The following CA5A variants were observed in gnomAD, a reference collection of about 807,000 sequenced individuals.
CA5A encodes carbonic anhydrase 5A, also known as carbonic anhydrase 5A, mitochondrial.
CA5A carries 28 observed loss-of-function variants against 37.1 expected under a neutral mutation model. That is an observed-to-expected ratio of 0.75 (90% confidence interval 0.56 to 1.03). The LOEUF is 1.03. CA5A is among the 50% of genes least tolerant of loss of function. CA5A has a pLI of 0.00. For missense variants in CA5A, 444 were observed against 399.9 expected, an observed-to-expected ratio of 1.11 and a Z score of -0.94; for synonymous variants, 171 against 158.4, an observed-to-expected ratio of 1.08 and a Z score of -0.60.
intron 5 of CA5A, among the ~76,000 whole-genome samples, chr16:87,899,757 TAAAAATAC>T (rs1341760501): frequency 5.3e-5 from 8 of 149,978 alleles, no homozygotes; most frequent in South Asian, 2.1e-4. Flanking sequence ...CCGTCTCTAC[TAAAAATAC>T]AAAAATTAGC....
chr16:87,899,082 C>G (rs2055841189), intron 5 of CA5A, among the ~76,000 whole-genome samples: 2 of 152,010 alleles, frequency 1.3e-5, no homozygotes, highest in Non-Finnish European at 2.9e-5. Flanking sequence ...GAAGCTGAGG[C>G]TCAGAGGTGC....
intron 6 of CA5A, among the ~76,000 whole-genome samples, chr16:87,890,735 C>T (rs1399514315): frequency 5.9e-5 from 9 of 152,180 alleles, no homozygotes; most frequent in Non-Finnish European, 8.8e-5. Flanking sequence ...CCTACCTCAG[C>T]CTCCCAAGTA....
intron 2 of CA5A, among the ~76,000 whole-genome samples, chr16:87,921,523 G>A (rs371450085): frequency 4.9e-4 from 74 of 152,324 alleles, no homozygotes; most frequent in African/African-American, 1.5e-3. Flanking sequence ...CTCATTGGCC[G>A]GTCTTGAGTC....
intron 5 of CA5A, among the ~76,000 whole-genome samples, chr16:87,897,407 G>A (rs1473557402): frequency 6.6e-6 from 1 of 152,176 alleles, no homozygotes; most frequent in African/African-American, 2.4e-5. Context: ...TTCTGGAATT[G>A]TCTGCCCGGG....
chr16:87,885,733 C>T (rs2055642636), downstream of CA5A: 1 of 152,656 alleles, frequency 6.6e-6, no homozygotes, highest in Non-Finnish European at 1.5e-5. Flanking sequence ...CCTCCAGCCT[C>T]TGCCTGGAAT....
chr16:87,913,781 C>T (rs926541831), intron 2 of CA5A, among the ~76,000 whole-genome samples: 1 of 152,126 alleles, frequency 6.6e-6, no homozygotes, highest in African/African-American at 2.4e-5. Flanking sequence ...ACCTGGGGAG[C>T]GTAGCTGGCC....
At chr16:87,896,792 C>T (rs943797394) in intron 5 of CA5A, among the ~76,000 whole-genome samples, 1 of 152,228 alleles carries the variant, frequency 6.6e-6, no homozygotes, top group Non-Finnish European at 1.5e-5. Flanking sequence ...ACGCATGCGC[C>T]ATCACGCCTG....
intron 3 of CA5A, among the ~76,000 whole-genome samples, chr16:87,903,240 G>C (rs1303848143): frequency 6.6e-6 from 1 of 152,128 alleles, no homozygotes; most frequent in Non-Finnish European, 1.5e-5. Flanking sequence ...AGACCAGCCT[G>C]GCCAAGATGG....
intron 1 of CA5A, among the ~76,000 whole-genome samples, chr16:87,929,675 A>AG (rs1365761947): frequency 1.3e-5 from 2 of 151,506 alleles, no homozygotes; most frequent in Non-Finnish European, 2.9e-5. Flanking sequence ...GATCGAGACC[A>AG]TCCTGGCTAA....
In CA5A at chr16:87,925,239, G is replaced by A. The variant is rs190749464; in HGVS notation, c.340+1509C>T. ...TCCCCAGGAAGAGTCACTGGGTCCA[G>A]CACAGAGCCACCCTCAGAGCTAAGC... On this transcript the variant is annotated intron_variant, in intron 2 of 6. Coordinates refer to ENST00000649794, the MANE Select transcript of CA5A (RefSeq NM_001739.2). Among the ~76,000 whole-genome samples, 292 of 152,272 alleles carry A rather than the reference G, an allele frequency of 1.9e-3. 6 individuals are homozygous for A. The highest frequency in any genetic ancestry group is 5.1e-4 in the Non-Finnish European group (35 of 68,026).
At chr16:87,912,454 C>G (rs1336342014) in intron 2 of CA5A, among the ~76,000 whole-genome samples, 1 of 152,234 alleles carries the variant, frequency 6.6e-6, no homozygotes, top group Non-Finnish European at 1.5e-5. Context: ...ATAAATATGT[C>G]TTAAGAACAC....
chr16:87,923,734 T>C (rs563515449), intron 2 of CA5A: 1 of 985,100 alleles, frequency 1.0e-6, no homozygotes, highest in South Asian at 4.7e-5. Flanking sequence ...GTTTATACTT[T>C]ACGACTTAGA....
intron 3 of CA5A, 62 bp downstream of exon 3, chr16:87,904,724 C>T: frequency 8.8e-6 from 9 of 1,027,016 alleles, no homozygotes; most frequent in Non-Finnish European, 1.4e-5. Context: ...GTTCACCCCC[C>T]ACCATAGAGC....
chr16:87,892,133 C>T, intron 5 of CA5A, 179 bp from the exon 6 acceptor site: 1 of 521,878 alleles, frequency 1.9e-6, no homozygotes, highest in Non-Finnish European at 3.3e-6. Context: ...CCCTTCTATA[C>T]AGAGCAAGGA....
At chr16:87,929,780 C>A (rs113629476) in intron 1 of CA5A, among the ~76,000 whole-genome samples, 1 of 136,282 alleles carries the variant, frequency 7.3e-6, no homozygotes, top group Non-Finnish European at 1.5e-5. Flanking sequence ...GCTGAGGCAG[C>A]AGAATGGCGT....
At chr16:87,921,752 A>G (rs2056233675) in intron 2 of CA5A, among the ~76,000 whole-genome samples, 1 of 152,208 alleles carries the variant, frequency 6.6e-6, no homozygotes, top group Admixed American at 6.5e-5. Context: ...GACTGGCGGG[A>G]TCAGCGGCAC....
At chr16:87,914,568 T>A (rs1289778247) in intron 2 of CA5A, among the ~76,000 whole-genome samples, 3 of 151,868 alleles carry the variant, frequency 2.0e-5, no homozygotes, top group African/African-American at 7.3e-5. Flanking sequence ...CTAGAGCCAC[T>A]CACTGGCCCC....
intron 2 of CA5A, among the ~76,000 whole-genome samples, chr16:87,922,883 TG>T (rs2056249967): frequency 6.6e-6 from 1 of 152,264 alleles, no homozygotes; most frequent in Non-Finnish European, 1.5e-5. Context: ...GGGAGGCCTC[TG>T]TGGCCTCTGG....
chr16:87,911,493 G>A lies in CA5A; in HGVS notation c.341-6589C>T, dbSNP rs761528162. 9.9e-5 allele frequency among the ~76,000 whole-genome samples: 15 copies of A among 152,162 alleles called. No individual in the cohort carries two copies. Among genetic ancestry groups the A allele is most frequent in the Non-Finnish European group, 8.8e-5 (6 of 68,030 alleles). On this transcript the variant is annotated intron_variant, in intron 2 of 6. Transcript: ENST00000649794. This position sits in a 1 kb window ranked among gnomAD's most constrained non-coding sequence, Gnocchi z 4.6. ...GTTTGAAGGCTTAAAATTAGTACAC[G>A]AGAAGTTTGAGATGTTCTAATTACT...
Sources: allele counts gnomAD v4.1 joint callset (sites outside exome capture counted in the v4.1 genomes callset), GRCh38; gene constraint gnomAD v4.1.1; non-coding constraint Gnocchi (gnomAD v3.1); transcripts MANE v1.5; gene names NCBI Gene and HGNC (gene_info 2026-07-23, HGNC 2026-07-21).